PLEKHA5: variants seen among roughly 807,000 people sequenced by gnomAD.
PLEKHA5 encodes the protein pleckstrin homology domain containing A5.
Under a neutral mutation model 181.9 loss-of-function variants are expected in PLEKHA5, and 55 were observed. That is an observed-to-expected ratio of 0.30 (90% CI 0.24 to 0.38). The LOEUF (loss-of-function observed/expected upper bound fraction) is 0.38, where lower values mean the gene tolerates loss of function less well. PLEKHA5 is among the 10% of genes least tolerant of loss of function. The pLI is 1.00. For missense variants in PLEKHA5, 1,432 were observed against 1,549.5 expected (o/e 0.92, Z 1.27); for synonymous variants, 535 against 529.4 (o/e 1.01, Z -0.15).
intron 5 of PLEKHA5, among the ~76,000 whole-genome samples, chr12:19,255,409 C>T (rs2066602215): frequency 6.6e-6 from 1 of 151,878 alleles, no homozygotes; most frequent in South Asian, 2.1e-4. Context: ...AGAATGGGTA[C>T]ACTTAAGTTT....
At position 19,298,428 on chromosome 12, in the gene PLEKHA5, T is replaced by TTTG. The variant is rs2080510428; in HGVS notation, c.2037+6732_2037+6733insTGT. ...TTTAGCTTTTTTTTTTTTTTTTTTT[T>TTTG]TGTAACCTATCTCAGTGCTAACTGG... On this transcript the variant is annotated intron_variant, in intron 15 of 31. Coordinates refer to ENST00000429027, the MANE Select transcript of PLEKHA5 (RefSeq NM_001256470.2). 2.7e-5 allele frequency among the ~76,000 whole-genome samples: 4 copies of TTTG among 148,090 alleles called. No homozygotes were observed. The South Asian group carries it at 8.9e-4, about 33-fold the overall frequency.
In PLEKHA5 at chr12:19,345,203, C is replaced by G. The variant is rs113750785; in HGVS notation, c.2663-639C>G. ...TCACCTGAGGTCAGGAGTTCGAGAC[C>G]AGGCTGGCCAACTTGTTGAGACCCC... On this transcript the variant is annotated intron_variant, in intron 22 of 31. Coordinates refer to ENST00000429027, the MANE Select transcript of PLEKHA5 (RefSeq NM_001256470.2). Among the ~76,000 whole-genome samples the G allele has an allele frequency of 2.0e-5, 3 of 151,828 alleles. 1 individual carries two copies. Among genetic ancestry groups the G allele is most frequent in the African/African-American group, 7.2e-5 (3 of 41,414 alleles).
chr12:19,186,678 CTT>C (rs1370067340), intron 3 of PLEKHA5, among the ~76,000 whole-genome samples: 1 of 152,072 alleles, frequency 6.6e-6, no homozygotes, highest in Non-Finnish European at 1.5e-5. Context: ...CTCTCAACCT[CTT>C]GTTTTTTGCT....
chr12:19,322,539 C>G lies in PLEKHA5; in HGVS notation c.2320C>G (p.Leu774Val). 6.2e-7 allele frequency: 1 copy of G among 1,613,892 alleles called. No homozygotes were observed. The highest frequency in any genetic ancestry group is 8.5e-7 in the Non-Finnish European group (1 of 1,179,798). Residue 774 changes from leucine to valine, a missense_variant, in exon 20 of 32, where the codon CTA (leucine) becomes GTA (valine). This residue lies in a region of PLEKHA5 where 1,143 missense variants were observed against 1,168.4 expected (regional missense o/e 0.98). Transcript: ENST00000429027. Reference sequence around the variant, plus strand: ...ATAGTACACGCTTGAGCAAGCTTTGCTATCAGCCAGCCAAGAGATAGAAAT... The same window carrying G: ...ATAGTACACGCTTGAGCAAGCTTTGGTATCAGCCAGCCAAGAGATAGAAAT... ...KEKYTLEQAL[L>V]SASQEIEMHA...
chr12:19,352,566 G>A (rs186123829), intron 25 of PLEKHA5, among the ~76,000 whole-genome samples: 2 of 139,558 alleles, frequency 1.4e-5, no homozygotes, highest in Admixed American at 1.5e-4. Flanking sequence ...GTATCAGTAT[G>A]ACAAAGAAGG....
chr12:19,277,355 T>A (rs763559586), intron 11 of PLEKHA5, among the ~76,000 whole-genome samples: 1 of 152,112 alleles, frequency 6.6e-6, no homozygotes, highest in African/African-American at 2.4e-5. Context: ...ATCTGGAAAT[T>A]AGAGGATTTT....
chr12:19,317,544 A>G (rs2089316973), intron 16 of PLEKHA5, among the ~76,000 whole-genome samples: 2 of 152,054 alleles, frequency 1.3e-5, no homozygotes. Flanking sequence ...TGTGGATATA[A>G]TGTCTAATTT....
At chr12:19,177,550 A>G (rs4764467) in intron 3 of PLEKHA5, among the ~76,000 whole-genome samples, 103,942 of 152,066 alleles carry the variant, frequency 0.68, 38,148 homozygotes, top group Non-Finnish European at 0.83. Context: ...CAACACATCT[A>G]ATACACCCAC....
chr12:19,315,805 A>G (rs1302892432), intron 16 of PLEKHA5, among the ~76,000 whole-genome samples: 1 of 152,122 alleles, frequency 6.6e-6, no homozygotes, highest in African/African-American at 2.4e-5. Flanking sequence ...TAAGGCCTCT[A>G]TTTGGTTCAG....
chr12:19,242,832 T>G (rs1431638285), intron 3 of PLEKHA5, among the ~76,000 whole-genome samples: 2 of 152,212 alleles, frequency 1.3e-5, no homozygotes, highest in Non-Finnish European at 2.9e-5. Flanking sequence ...AACACATGCT[T>G]TATAATTGTT....
At chr12:19,267,888 A>G (rs1186146330) in intron 8 of PLEKHA5, among the ~76,000 whole-genome samples, 4 of 151,902 alleles carry the variant, frequency 2.6e-5, no homozygotes, top group Non-Finnish European at 5.9e-5. Context: ...TGAACCTGGG[A>G]GGCGGAGGTT....
intron 5 of PLEKHA5, among the ~76,000 whole-genome samples, chr12:19,257,217 A>G (rs1009005817): frequency 3.3e-5 from 5 of 152,174 alleles, no homozygotes; most frequent in African/African-American, 7.2e-5. Flanking sequence ...AAGATTGTAA[A>G]ACTTGTGATA....
intron 3 of PLEKHA5, among the ~76,000 whole-genome samples, chr12:19,174,747 G>A (rs1003347239): frequency 7.9e-5 from 12 of 152,106 alleles, no homozygotes; most frequent in African/African-American, 2.9e-4. Context: ...CTGTGTCTTT[G>A]TTAGCCTCTT....
intron 25 of PLEKHA5, among the ~76,000 whole-genome samples, chr12:19,349,269 C>A (rs2094477250): frequency 6.6e-6 from 1 of 151,978 alleles, no homozygotes; most frequent in Non-Finnish European, 1.5e-5. Context: ...GCACACACCA[C>A]CATACCCAAC....
chr12:19,235,925 G>A (rs2061345182), intron 3 of PLEKHA5, among the ~76,000 whole-genome samples: 1 of 152,108 alleles, frequency 6.6e-6, no homozygotes, highest in Admixed American at 6.5e-5. Flanking sequence ...TCTTTTTGGA[G>A]GATAGTGTGT....
intron 3 of PLEKHA5, among the ~76,000 whole-genome samples, chr12:19,174,367 G>C (rs1390423973): frequency 6.6e-6 from 1 of 151,998 alleles, no homozygotes; most frequent in African/African-American, 2.4e-5. Flanking sequence ...ATTTCCCCAA[G>C]TTTCTAATAT....
intron 26 of PLEKHA5, among the ~76,000 whole-genome samples, chr12:19,354,763 T>C (rs1301623794): frequency 6.6e-6 from 1 of 152,144 alleles, no homozygotes; most frequent in African/African-American, 2.4e-5. Context: ...ATTACAGGCG[T>C]GAGCCACCGC....
At chr12:19,339,138 T>C (rs987689161) in intron 21 of PLEKHA5, among the ~76,000 whole-genome samples, 3 of 151,872 alleles carry the variant, frequency 2.0e-5, no homozygotes, top group Non-Finnish European at 4.4e-5. Flanking sequence ...CCTCTCATGT[T>C]GAAGTGATTC....
At chr12:19,280,223 C>G (rs2152776146) in intron 11 of PLEKHA5, among the ~76,000 whole-genome samples, 1 of 151,642 alleles carries the variant, frequency 6.6e-6, no homozygotes, top group East Asian at 1.9e-4. Flanking sequence ...CTAATATTTT[C>G]TAGTTTTTGT....
Sources: gnomAD v4.1 joint callset for allele counts (sites outside exome capture counted in the v4.1 genomes callset) on GRCh38, gnomAD v4.1.1 for gene constraint, gnomAD v4.1.1 regional missense constraint, MANE v1.5 for transcripts, NCBI Gene and HGNC (gene_info 2026-07-23, HGNC 2026-07-21) for gene names.